Variants in AGAP1 observed in about 807,000 individuals in gnomAD.
AGAP1 encodes the protein ArfGAP with GTPase domain, ankyrin repeat and PH domain 1.
A neutral mutation model predicts 105.3 loss-of-function variants in AGAP1; 29 were observed. The observed-to-expected ratio is 0.28, with a 90% CI of 0.21 to 0.38. The LOEUF is 0.38. Ranked by LOEUF, AGAP1 falls within the 10% of genes least tolerant of loss-of-function variation. The probability of loss-of-function intolerance (pLI) is 1.00; values close to 1 mark genes in which losing one functional copy is unlikely to be tolerated. For missense variants in AGAP1, 998 were observed against 1,165.1 expected (o/e 0.86, Z 2.09); for synonymous variants, 509 against 485.9 (o/e 1.05, Z -0.63).
chr2:235,628,598 A>G (rs1429906798), intron 1 of AGAP1, among the ~76,000 whole-genome samples: 5 of 151,430 alleles, frequency 3.3e-5, no homozygotes, highest in Non-Finnish European at 7.4e-5. Flanking sequence ...AATGCTCTGG[A>G]AAGAAGGGGG....
intron 11 of AGAP1, among the ~76,000 whole-genome samples, chr2:235,909,641 C>A (rs2051480199): frequency 6.6e-6 from 1 of 152,222 alleles, no homozygotes. Context: ...GCTCCTTCAA[C>A]ATGGGGACAT....
chr2:236,074,904 A>T lies in AGAP1; in HGVS notation c.2114+25623A>T, dbSNP rs554106228. Among the ~76,000 whole-genome samples the T allele has an allele frequency of 5.9e-5, 9 of 152,248 alleles. No homozygotes were observed. The South Asian group carries it at 1.7e-3, about 28-fold the overall frequency. On this transcript the variant is annotated intron_variant, in intron 16 of 17. Transcript: ENST00000304032. ...ACCCCATCTCTACAAAAAATACAGA[A>T]ATTAGCCAGGCATGGTTGCACGCGT...
chr2:235,912,445 G>A (rs1433877606), intron 11 of AGAP1, among the ~76,000 whole-genome samples: 1 of 152,116 alleles, frequency 6.6e-6, no homozygotes, highest in Non-Finnish European at 1.5e-5. Flanking sequence ...CTTCACTCTT[G>A]ACTCATTTGT....
Position 236,127,273 on chromosome 2 carries a change from C to T in AGAP1, c.*3151C>T, listed in dbSNP as rs1177339267. ...GTGCTGGGACGGGCAGATGGTTTCCCCCGCCCAGCACCCCAGTCCTGGTCC... is the reference window on the plus strand; with the variant it reads ...GTGCTGGGACGGGCAGATGGTTTCCTCCGCCCAGCACCCCAGTCCTGGTCC... On this transcript the variant is annotated 3_prime_UTR_variant, in exon 18 of 18. Transcript: ENST00000304032. This position sits in a 1 kb window ranked among gnomAD's most constrained non-coding sequence, Gnocchi z 6.6. 2 of 152,142 alleles carry T rather than the reference C, an allele frequency of 1.3e-5. No individual in the cohort carries two copies. The highest frequency in any genetic ancestry group is 4.8e-5 in the African/African-American group (2 of 41,420). The allele number at this position is 152,142 out of a possible 1,614,324, so 9.4% of individuals were successfully genotyped here. A position where few individuals can be genotyped will look rare whatever the true frequency, so the allele number is the denominator to read the frequency against.
intron 1 of AGAP1, among the ~76,000 whole-genome samples, chr2:235,651,682 G>A (rs190883084): frequency 1.6e-4 from 24 of 152,280 alleles, no homozygotes; most frequent in East Asian, 5.8e-4. Context: ...TGAGCCCCCC[G>A]AAATAATGAT....
rs1559303443 is a variant in AGAP1, at chr2:236,127,264, A to T, written c.*3142A>T. ...TGACCTCAGGTGCTGGGACGGGCAG[A>T]TGGTTTCCCCCGCCCAGCACCCCAG... On this transcript the variant is annotated 3_prime_UTR_variant, in exon 18 of 18. Coordinates refer to ENST00000304032, the MANE Select transcript of AGAP1 (RefSeq NM_001037131.3). The surrounding 1 kb of genome is among the most constrained non-coding windows in gnomAD (Gnocchi z 6.6). 6.6e-6 allele frequency: 1 copy of T among 152,088 alleles called. No individual in the cohort carries two copies. The allele number at this position is 152,088 out of a possible 1,614,324, so 9.4% of individuals were successfully genotyped here.
chr2:235,563,025 G>A (rs1205861880), intron 1 of AGAP1, among the ~76,000 whole-genome samples: 1 of 152,038 alleles, frequency 6.6e-6, no homozygotes, highest in Admixed American at 6.6e-5. Flanking sequence ...CACCAGCCTG[G>A]GGCAACAGAA....
chr2:235,806,582 G>A (rs545575034), intron 8 of AGAP1, among the ~76,000 whole-genome samples: 62 of 152,262 alleles, frequency 4.1e-4, no homozygotes, highest in African/African-American at 1.4e-3. Flanking sequence ...ATTGACTCAG[G>A]ACCTTGTCAA....
Position 236,049,180 on chromosome 2 carries a change from C to G in AGAP1, c.2013C>G (p.Val671=), listed in dbSNP as rs147314067. The G allele has an allele frequency of 1.9e-6, 3 of 1,614,090 alleles. No homozygotes were observed. Among genetic ancestry groups the G allele is most frequent in the East Asian group, 2.2e-5 (1 of 44,888 alleles). The part of the protein sequence containing the change: ...VRSLDLDDWP[V]ELIKVMSSIG... ...CTCTGGACCTGGATGACTGGCCAGTCGAGCTCATCAAGGTGATGTCATCCA... is the reference window on the plus strand; with the variant it reads ...CTCTGGACCTGGATGACTGGCCAGTGGAGCTCATCAAGGTGATGTCATCCA... The change falls in exon 16 of 18, where the codon GTC becomes GTG. Residue 671 remains valine, a synonymous_variant. Transcript: ENST00000304032.
chr2:236,007,922 A>G (rs1414160800), intron 13 of AGAP1, among the ~76,000 whole-genome samples: 3 of 152,260 alleles, frequency 2.0e-5, no homozygotes, highest in Admixed American at 2.0e-4. Flanking sequence ...GTGCTGCTCA[A>G]CACACACAAT....
At position 235,734,974 on chromosome 2, in the gene AGAP1, G is replaced by A. The variant is rs1205902160; in HGVS notation, c.311-5989G>A. Reference sequence around the variant, plus strand: ...GTTTGCGTCATAAGATGGGGTGAGGGCTAACGGAGATGATGTGGGAAAACA... The same window carrying A: ...GTTTGCGTCATAAGATGGGGTGAGGACTAACGGAGATGATGTGGGAAAACA... On this transcript the variant is annotated intron_variant, in intron 3 of 17. Coordinates refer to ENST00000304032, the MANE Select transcript of AGAP1 (RefSeq NM_001037131.3). This position sits in a 1 kb window ranked among gnomAD's most constrained non-coding sequence, Gnocchi z 5.3. Among the ~76,000 whole-genome samples the A allele has an allele frequency of 3.2e-5, 4 of 124,080 alleles. No individual in the cohort carries two copies. The highest frequency in any genetic ancestry group is 1.0e-4 in the African/African-American group (4 of 39,080). The allele number at this position is 124,080 out of a possible 152,430, so 81.4% of individuals were successfully genotyped here.
intron 13 of AGAP1, among the ~76,000 whole-genome samples, chr2:235,990,289 TGTGTC>T (rs1160788509): frequency 2.6e-5 from 4 of 152,334 alleles, no homozygotes; most frequent in African/African-American, 9.6e-5. Flanking sequence ...CATGTGCCCC[TGTGTC>T]CAGCCGCACC....
chr2:235,907,672 C>G (rs1329201312), intron 10 of AGAP1, among the ~76,000 whole-genome samples: 1 of 152,094 alleles, frequency 6.6e-6, no homozygotes, highest in Non-Finnish European at 1.5e-5. Flanking sequence ...GGCTCCAGGA[C>G]CCTCCAGAAT....
intron 3 of AGAP1, among the ~76,000 whole-genome samples, chr2:235,735,654 G>A (rs1200934543): frequency 6.6e-6 from 1 of 152,116 alleles, no homozygotes; most frequent in Non-Finnish European, 1.5e-5. Flanking sequence ...ACCCACTTCA[G>A]CATCTTGGTG....
chr2:236,037,056 A>G (rs994389106), intron 14 of AGAP1, among the ~76,000 whole-genome samples: 2 of 152,196 alleles, frequency 1.3e-5, no homozygotes. Context: ...AAAAAGAGAG[A>G]CGGACTTAAA....
intron 13 of AGAP1, among the ~76,000 whole-genome samples, chr2:236,028,800 A>G (rs1366385514): frequency 2.0e-5 from 3 of 152,150 alleles, no homozygotes; most frequent in Non-Finnish European, 2.9e-5. Context: ...GTTCAAAGGT[A>G]TGTTTCTGAC....
intron 1 of AGAP1, among the ~76,000 whole-genome samples, chr2:235,604,632 G>A (rs1302004847): frequency 7.9e-6 from 1 of 126,066 alleles, no homozygotes; most frequent in African/African-American, 3.2e-5. Context: ...GCCCAGGCTG[G>A]AGTGCAGTGG....
At chr2:236,021,566 C>T (rs1388867882) in intron 13 of AGAP1, among the ~76,000 whole-genome samples, 1 of 152,184 alleles carries the variant, frequency 6.6e-6, no homozygotes, top group Admixed American at 6.5e-5. Context: ...CAAGATAAAT[C>T]ACCGCACGTG....
In AGAP1 at chr2:236,011,995, G is replaced by A. The variant is rs569611378; in HGVS notation, c.1646-24566G>A. On this transcript the variant is annotated intron_variant, in intron 13 of 17. Coordinates refer to ENST00000304032, the MANE Select transcript of AGAP1 (RefSeq NM_001037131.3). ...GATGATAATAGGATTGTATTTTCTT[G>A]TTGAGAAGCTTCTAAACAAGGGAAC... is the stretch of plus-strand genomic sequence containing the variant. 7.2e-5 allele frequency among the ~76,000 whole-genome samples: 11 copies of A among 152,224 alleles called. No homozygotes were observed. The South Asian group carries it at 1.7e-3, about 23-fold the overall frequency.
Sources: allele counts gnomAD v4.1 joint callset (sites outside exome capture counted in the v4.1 genomes callset), GRCh38; gene constraint gnomAD v4.1.1; non-coding constraint Gnocchi (gnomAD v3.1); transcripts MANE v1.5; gene names NCBI Gene and HGNC (gene_info 2026-07-23, HGNC 2026-07-21).